DLGAP1: variants seen among roughly 807,000 people sequenced by gnomAD.
The protein encoded by DLGAP1 is DLG associated protein 1.
DLGAP1 carries 11 observed loss-of-function variants against 90.8 expected under a neutral mutation model. The observed-to-expected ratio is 0.12, with a 90% CI of 0.08 to 0.20. The LOEUF is 0.20. Ranked by LOEUF, DLGAP1 falls within the 10% of genes least tolerant of loss-of-function variation. The probability of loss-of-function intolerance (pLI) is 1.00; values close to 1 mark genes in which losing one functional copy is unlikely to be tolerated. For synonymous variants in DLGAP1, 558 were observed against 540.7 expected, an observed-to-expected ratio of 1.03 and a Z score of -0.44; for missense variants, 1,050 against 1,333.8, an observed-to-expected ratio of 0.79 and a Z score of 3.31.
chr18:4,089,783 C>T (rs573786387), intron 2 of DLGAP1, among the ~76,000 whole-genome samples: 29 of 152,326 alleles, frequency 1.9e-4, no homozygotes, highest in South Asian at 8.3e-4. Flanking sequence ...CGGTGGCTCA[C>T]GCCTGTAGTC....
intron 1 of DLGAP1, among the ~76,000 whole-genome samples, chr18:4,322,088 T>C (rs902245242): frequency 3.3e-5 from 5 of 151,796 alleles, no homozygotes; most frequent in Non-Finnish European, 5.9e-5. Context: ...TAATCCCAGC[T>C]ACATGGGAGG....
chr18:3,882,171 C>T (rs146784842), intron 3 of DLGAP1, among the ~76,000 whole-genome samples: 2,067 of 152,028 alleles, frequency 0.014, 23 homozygotes, highest in Middle Eastern at 0.085. Context: ...AAACAGAGAA[C>T]AAGTTAAGCT....
chr18:3,924,635 T>C (rs1325432623), intron 3 of DLGAP1, among the ~76,000 whole-genome samples: 3 of 152,212 alleles, frequency 2.0e-5, no homozygotes, highest in Admixed American at 6.5e-5. Flanking sequence ...CCCAGCCCTT[T>C]TCCCCACATT....
intron 2 of DLGAP1, among the ~76,000 whole-genome samples, chr18:4,016,245 T>C (rs1445165923): frequency 6.6e-6 from 1 of 152,238 alleles, no homozygotes; most frequent in Non-Finnish European, 1.5e-5. Flanking sequence ...TTCAGAGTTG[T>C]TCATTTTTAA....
At chr18:3,835,228 T>C (rs1403488155) in intron 4 of DLGAP1, among the ~76,000 whole-genome samples, 1 of 152,162 alleles carries the variant, frequency 6.6e-6, no homozygotes, top group Non-Finnish European at 1.5e-5. Context: ...TAAAAATAGA[T>C]GAGATGACAT....
chr18:3,575,778 A>G (rs2055088333), intron 8 of DLGAP1, among the ~76,000 whole-genome samples: 1 of 152,114 alleles, frequency 6.6e-6, no homozygotes, highest in African/African-American at 2.4e-5. Context: ...CAGTCCCCAC[A>G]ATGCCCCCAT....
intron 9 of DLGAP1, among the ~76,000 whole-genome samples, chr18:3,542,519 A>G (rs1187132254): frequency 6.6e-6 from 1 of 152,248 alleles, no homozygotes; most frequent in Admixed American, 6.5e-5. Context: ...GATTTCAGAC[A>G]GTGGATAAAT....
intron 7 of DLGAP1, among the ~76,000 whole-genome samples, chr18:3,591,601 G>A (rs1407989001): frequency 3.3e-5 from 5 of 151,850 alleles, no homozygotes; most frequent in African/African-American, 9.7e-5. Flanking sequence ...TACTTGGAAG[G>A]CTGGGGCGGG....
chr18:3,712,444 G>C (rs1465439484), intron 7 of DLGAP1, among the ~76,000 whole-genome samples: 1 of 152,142 alleles, frequency 6.6e-6, no homozygotes, highest in Non-Finnish European at 1.5e-5. Flanking sequence ...GTCTCACCTG[G>C]GGCTCATGCT....
At position 4,106,066 on chromosome 18, in the gene DLGAP1, A is replaced by T. The variant is rs1281385250; in HGVS notation, c.-159+45114T>A. 1.1e-4 allele frequency among the ~76,000 whole-genome samples: 17 copies of T among 150,788 alleles called. 1 individual carries two copies. The South Asian group carries it at 3.6e-3, about 32-fold the overall frequency. The stretch of plus-strand genomic sequence containing the variant: ...AAAAAAAAAAAAAAAAAAAGTTGCA[A>T]TTAAACTAAAAACTGCTTAATTTTT... On this transcript the variant is annotated intron_variant, in intron 2 of 12. Coordinates refer to ENST00000315677, the MANE Select transcript of DLGAP1 (RefSeq NM_004746.4).
chr18:4,399,271 T>C (rs991608946), intron 1 of DLGAP1, among the ~76,000 whole-genome samples: 1 of 152,266 alleles, frequency 6.6e-6, no homozygotes, highest in Non-Finnish European at 1.5e-5. Flanking sequence ...AATTATCTTT[T>C]TTTACACTGG....
At chr18:4,118,832 C>T (rs988143883) in intron 2 of DLGAP1, among the ~76,000 whole-genome samples, 1 of 152,054 alleles carries the variant, frequency 6.6e-6, no homozygotes, top group African/African-American at 2.4e-5. Flanking sequence ...ATGAATATTA[C>T]CCTATTTACT....
intron 5 of DLGAP1, among the ~76,000 whole-genome samples, chr18:3,758,858 T>G (rs1297887283): frequency 6.6e-6 from 1 of 152,170 alleles, no homozygotes; most frequent in African/African-American, 2.4e-5. Flanking sequence ...CTTTACAAAT[T>G]TTACGTTTTT....
At chr18:4,190,381 T>C (rs2077374447) in intron 1 of DLGAP1, among the ~76,000 whole-genome samples, 1 of 152,030 alleles carries the variant, frequency 6.6e-6, no homozygotes, top group Non-Finnish European at 1.5e-5. Context: ...AAAGGATAAA[T>C]GGTTGAAGTA....
intron 1 of DLGAP1, among the ~76,000 whole-genome samples, chr18:4,258,863 A>G (rs2078949220): frequency 6.6e-6 from 1 of 152,058 alleles, no homozygotes; most frequent in Non-Finnish European, 1.5e-5. Context: ...ATGATCTTAA[A>G]TCTTGTGGAA....
chr18:3,581,792 AG>A (rs2055536641), intron 8 of DLGAP1, 82 bp downstream of exon 8: 1 of 1,549,214 alleles, frequency 6.5e-7, no homozygotes, highest in African/African-American at 1.4e-5. Context: ...GCGGCAAGAA[AG>A]CAAATCTTCC....
At chr18:4,194,276 C>T (rs568996880) in intron 1 of DLGAP1, among the ~76,000 whole-genome samples, 15 of 152,174 alleles carry the variant, frequency 9.9e-5, no homozygotes, top group African/African-American at 1.7e-4. Context: ...TCTGTTCCTG[C>T]GTTAATTTCT....
At chr18:3,646,254 C>T (rs572259920) in intron 7 of DLGAP1, among the ~76,000 whole-genome samples, 2 of 152,046 alleles carry the variant, frequency 1.3e-5, no homozygotes, top group South Asian at 2.1e-4. Flanking sequence ...GTTAGCCGAG[C>T]GTGATGGCAC....
At chr18:4,193,026 A>C (rs2144746948) in intron 1 of DLGAP1, among the ~76,000 whole-genome samples, 1 of 152,380 alleles carries the variant, frequency 6.6e-6, no homozygotes, top group Non-Finnish European at 1.5e-5. Context: ...TTCTTTATGG[A>C]CATTCACTTT....
Sources: gnomAD v4.1 joint callset for allele counts (sites outside exome capture counted in the v4.1 genomes callset) on GRCh38, gnomAD v4.1.1 for gene constraint, MANE v1.5 for transcripts, NCBI Gene and HGNC (gene_info 2026-07-23, HGNC 2026-07-21) for gene names.